RBBP5: variants seen among roughly 807,000 people sequenced by gnomAD.
The protein encoded by RBBP5 is RB binding protein 5, histone lysine methyltransferase complex subunit, also known as retinoblastoma-binding protein 5.
RBBP5 carries 5 observed loss-of-function variants against 72.2 expected under a neutral mutation model. The ratio of observed to expected loss-of-function variants is 0.07; its 90% CI spans 0.04 to 0.15. The LOEUF (loss-of-function observed/expected upper bound fraction) is 0.15. RBBP5 is among the 10% of genes least tolerant of loss of function. The pLI is 1.00. For synonymous variants in RBBP5, 209 were observed against 237.2 expected (o/e 0.88, Z 1.09); for missense variants, 322 against 652.2 (o/e 0.49, Z 5.51).
rs145917587 is a variant in RBBP5, at chr1:205,110,792, G to A, written c.218+3997C>T. Among the ~76,000 whole-genome samples the A allele has an allele frequency of 1.1e-3, 167 of 152,058 alleles. 1 individual carries two copies. The highest frequency in any genetic ancestry group is 3.8e-3 in the African/African-American group (156 of 41,506). ...AAAATATTTTTAAATGGCCAAGCACGGTGGCTCACTACTGTAATCTTGGCA... is the reference window on the plus strand; with the variant it reads ...AAAATATTTTTAAATGGCCAAGCACAGTGGCTCACTACTGTAATCTTGGCA... On this transcript the variant is annotated intron_variant, in intron 3 of 13. Transcript: ENST00000264515.
chr1:205,117,899 T>C (rs1656588601), intron 1 of RBBP5, among the ~76,000 whole-genome samples: 1 of 152,020 alleles, frequency 6.6e-6, no homozygotes, highest in African/African-American at 2.4e-5. Flanking sequence ...AACCTCTGCC[T>C]CACAGGTTTA....
At chr1:205,116,294 T>C (rs770865278) in intron 1 of RBBP5, 4 of 376,094 alleles carry the variant, frequency 1.1e-5, no homozygotes, top group South Asian at 2.0e-5. Context: ...GTTATTTCTA[T>C]ATAATATGCT....
intron 3 of RBBP5, among the ~76,000 whole-genome samples, chr1:205,114,087 A>G (rs970218204): frequency 6.6e-6 from 1 of 152,266 alleles, no homozygotes; most frequent in Admixed American, 6.5e-5. Context: ...ATTATTGGAT[A>G]TGAAAGAAAA....
At chr1:205,091,281 T>A (rs993455988) in intron 13 of RBBP5, 2 of 152,288 alleles carry the variant, frequency 1.3e-5, no homozygotes, top group African/African-American at 4.8e-5. Context: ...CTGGTGATTC[T>A]GCTCACATCT....
In RBBP5 at chr1:205,103,967, A is replaced by C; in HGVS notation, c.412T>G (p.Ser138Ala). ...MKSAPVMLTLSDSKHVVLPVD... is the reference protein window; with the variant it reads ...MKSAPVMLTLADSKHVVLPVD... ...GGCAGAACAACATGTTTGGAATCTG[A>C]AAGGGTCAACATGACAGGAGCAGAT... The change falls in exon 5 of 14, where the codon TCA (serine) becomes GCA (alanine). Residue 138 changes from serine (S) to alanine (A), a missense_variant. Coordinates refer to ENST00000264515, the MANE Select transcript of RBBP5 (RefSeq NM_005057.4). The C allele has an allele frequency of 6.2e-7, 1 of 1,614,170 alleles. No homozygotes were observed. Among genetic ancestry groups the C allele is most frequent in the South Asian group, 1.1e-5 (1 of 91,082 alleles).
In RBBP5 at chr1:205,115,848, A is replaced by G. The variant is rs1656498517; in HGVS notation, c.45+10T>C. ...ATGTTCCTAAAATCACCACAATACT[A>G]TACTCTTACCTCTGGATAGTTCTGC... On this transcript the variant is annotated intron_variant, in intron 2 of 13. Coordinates refer to ENST00000264515, the MANE Select transcript of RBBP5 (RefSeq NM_005057.4). 1.2e-6 allele frequency: 2 copies of G among 1,604,508 alleles called. No individual in the cohort carries two copies. The highest frequency in any genetic ancestry group is 1.7e-6 in the Non-Finnish European group (2 of 1,176,730).
intron 3 of RBBP5, among the ~76,000 whole-genome samples, chr1:205,111,374 C>T (rs1301565840): frequency 6.6e-6 from 1 of 152,146 alleles, no homozygotes; most frequent in African/African-American, 2.4e-5. Context: ...ACTCAAACAG[C>T]ACTTAAGATC....
intron 3 of RBBP5, among the ~76,000 whole-genome samples, chr1:205,114,576 G>A (rs745992047): frequency 7.9e-5 from 12 of 152,016 alleles, no homozygotes; most frequent in Non-Finnish European, 1.2e-4. Context: ...TATTCTCAGC[G>A]CCTGATACAG....
rs1452424079 is a variant in RBBP5 at position 205,114,828 on chromosome 1, T to C, written c.179A>G (p.Lys60Arg). The change falls in exon 3 of 14, where the codon AAA becomes AGA. Residue 60 changes from lysine (K) to arginine (R), a missense_variant. Lys to Arg is a conservative substitution (Grantham distance 26). Coordinates refer to ENST00000264515, the MANE Select transcript of RBBP5 (RefSeq NM_005057.4). ...IWDFLTRGIAKIISAHIHPVC... is the reference protein window; with the variant it reads ...IWDFLTRGIARIISAHIHPVC... ...TGGATGGATGTGTGCACTAATTATT[T>C]TAGCAATGCCTCTTGTCAAGAAATC... 11 of 1,553,882 alleles carry C rather than the reference T, an allele frequency of 7.1e-6. No homozygotes were observed. Among genetic ancestry groups the C allele is most frequent in the Non-Finnish European group, 9.6e-6 (11 of 1,147,856 alleles).
In RBBP5 at chr1:205,093,558, A is replaced by ACACACACACACACACACG. The variant is rs1474687926; in HGVS notation, c.1588+1314_1588+1315insCGTGTGTGTGTGTGTGTG. On this transcript the variant is annotated intron_variant, in intron 13 of 13. Coordinates refer to ENST00000264515, the MANE Select transcript of RBBP5 (RefSeq NM_005057.4). ...TACACACACACACACACACACACAC[A>ACACACACACACACACACG]CACACACACACAGCATTATATGTAT... Among the ~76,000 whole-genome samples the ACACACACACACACACACG allele has an allele frequency of 2.7e-3, 309 of 115,944 alleles. 22 individuals carry two copies. The highest frequency in any genetic ancestry group is 8.1e-3 in the Middle Eastern group (2 of 248). The allele number at this position is 115,944 out of a possible 152,430, so 76.1% of individuals were successfully genotyped here. A position where few individuals can be genotyped will look rare whatever the true frequency, so the allele number is the denominator to read the frequency against.
rs533098659 is a variant in RBBP5, at chr1:205,104,503, T to C, written c.360-484A>G. Among the ~76,000 whole-genome samples the C allele has an allele frequency of 2.0e-5, 3 of 149,244 alleles. No homozygotes were observed. The South Asian group carries it at 6.3e-4, about 31-fold the overall frequency. On this transcript the variant is annotated intron_variant, in intron 4 of 13. Transcript: ENST00000264515. Reference sequence around the variant, plus strand: ...GTGCCATTGCACTCCAGCTAGAGCGTCGCAGCGAGACTCCATCTCAAAAAA... The same window carrying C: ...GTGCCATTGCACTCCAGCTAGAGCGCCGCAGCGAGACTCCATCTCAAAAAA...
intron 5 of RBBP5, 33 bp downstream of exon 5, chr1:205,103,824 C>T (rs371798550): frequency 1.2e-6 from 2 of 1,600,614 alleles, no homozygotes; most frequent in Admixed American, 3.3e-5. Context: ...AGCCAGTGTA[C>T]AAGATGCCTG....
intron 1 of RBBP5, among the ~76,000 whole-genome samples, chr1:205,117,751 C>G (rs572060679): frequency 6.6e-6 from 1 of 151,950 alleles, no homozygotes; most frequent in African/African-American, 2.4e-5. Flanking sequence ...AAAAGGATAA[C>G]CCCACTGAAA....
intron 13 of RBBP5, 106 bp from the exon 14 acceptor site, chr1:205,088,921 G>C: frequency 2.0e-6 from 2 of 1,012,618 alleles, no homozygotes; most frequent in South Asian, 1.7e-5. Context: ...AGCACACGTG[G>C]ACCAAGAAAT....
In RBBP5 at chr1:205,097,347, G is replaced by C; in HGVS notation, c.1145C>G (p.Pro382Arg). 1 of 1,552,100 alleles carries C rather than the reference G, an allele frequency of 6.4e-7. No individual in the cohort carries two copies. The highest frequency in any genetic ancestry group is 1.2e-5 in the South Asian group (1 of 84,058). Reference sequence around the variant, plus strand: ...TCACCTGCTACAGAAGGCAGCAATAGGGTCCACGCTGGTGACATCCACTTC... The same window carrying C: ...TCACCTGCTACAGAAGGCAGCAATACGGTCCACGCTGGTGACATCCACTTC... ...DEEVDVTSVD[P>R]IAAFCSSDEE... Residue 382 changes from proline to arginine, a missense_variant, in exon 11 of 14, where the codon CCT (proline) becomes CGT (arginine). This residue lies in a region of RBBP5 where 30 missense variants were observed against 82.1 expected (regional missense o/e 0.37). Coordinates refer to ENST00000264515, the MANE Select transcript of RBBP5 (RefSeq NM_005057.4).
At chr1:205,120,131 T>C (rs906350018) in intron 1 of RBBP5, among the ~76,000 whole-genome samples, 2 of 152,198 alleles carry the variant, frequency 1.3e-5, no homozygotes, top group African/African-American at 4.8e-5. Context: ...TTGTCATCCC[T>C]ACCTCCTCAA....
At chr1:205,102,899 A>G (rs1015471475) in intron 5 of RBBP5, among the ~76,000 whole-genome samples, 2 of 151,734 alleles carry the variant, frequency 1.3e-5, no homozygotes, top group Non-Finnish European at 2.9e-5. Context: ...AGGCTGAGGC[A>G]GGAGAATCGC....
intron 1 of RBBP5, among the ~76,000 whole-genome samples, chr1:205,119,611 C>A (rs1656660277): frequency 6.6e-6 from 1 of 152,166 alleles, no homozygotes; most frequent in Non-Finnish European, 1.5e-5. Flanking sequence ...TCTGTTCCAG[C>A]TGCTGAGGAG....
At chr1:205,110,204 G>C (rs1656259116) in intron 3 of RBBP5, among the ~76,000 whole-genome samples, 1 of 151,948 alleles carries the variant, frequency 6.6e-6, no homozygotes. Flanking sequence ...ATTTTTAGTA[G>C]AGACGGAGTT....
Sources: allele counts gnomAD v4.1 joint callset (sites outside exome capture counted in the v4.1 genomes callset), GRCh38; gene constraint gnomAD v4.1.1; regional missense constraint gnomAD v4.1.1; transcripts MANE v1.5; gene names NCBI Gene and HGNC (gene_info 2026-07-23, HGNC 2026-07-21).